FXR1: variants seen among roughly 807,000 people sequenced by gnomAD.
FXR1 encodes the protein RNA-binding protein FXR1.
Under a neutral mutation model 84.0 loss-of-function variants are expected in FXR1, and 15 were observed. The ratio of observed to expected loss-of-function variants is 0.18; its 90% CI spans 0.12 to 0.27. FXR1 has a LOEUF of 0.27. Among genes scored for constraint, FXR1 ranks in the 10% least tolerant of loss-of-function variants. FXR1 has a pLI of 1.00. For synonymous variants in FXR1, 245 were observed against 250.7 expected (o/e 0.98, Z 0.21); for missense variants, 480 against 774.4 (o/e 0.62, Z 4.51).
At chr3:180,938,582 C>T (rs1720784903) in intron 3 of FXR1, among the ~76,000 whole-genome samples, 1 of 151,910 alleles carries the variant, frequency 6.6e-6, no homozygotes, top group South Asian at 2.1e-4. Flanking sequence ...GAGTTTTGCT[C>T]CTGTTGCTCA....
rs1452622684 is a variant in FXR1 at position 180,970,210 on chromosome 3, A to T, written c.1455A>T (p.Ser485=). 1 of 1,608,134 alleles carries T rather than the reference A, an allele frequency of 6.2e-7. No individual in the cohort carries two copies. The highest frequency in any genetic ancestry group is 8.5e-7 in the Non-Finnish European group (1 of 1,174,760). ...ACAGCTTACTTGATAATACAGAATCAGATCAGACTGCAGACACTGATGCCA... is the reference window on the plus strand; with the variant it reads ...ACAGCTTACTTGATAATACAGAATCTGATCAGACTGCAGACACTGATGCCA... ...NPYSLLDNTE[S]DQTADTDASE... The change falls in exon 15 of 17, where the codon TCA becomes TCT. Residue 485 remains serine, a synonymous_variant. Coordinates refer to ENST00000357559, the MANE Select transcript of FXR1 (RefSeq NM_005087.4).
intron 13 of FXR1, 128 bp downstream of exon 13, chr3:180,963,218 C>G: frequency 1.7e-6 from 1 of 590,226 alleles, no homozygotes; most frequent in Non-Finnish European, 3.0e-6. Context: ...GAAGGTAGTT[C>G]TGAAGGTTTA....
intron 2 of FXR1, 57 bp from the exon 3 acceptor site, chr3:180,935,081 C>A (rs1295470422): frequency 5.5e-6 from 4 of 731,944 alleles, no homozygotes; most frequent in Admixed American, 2.4e-5. Context: ...AAATATGCAA[C>A]ACCAGGCGTA....
chr3:180,940,017 C>T (rs1005887437), intron 3 of FXR1, among the ~76,000 whole-genome samples: 21 of 152,236 alleles, frequency 1.4e-4, no homozygotes, highest in African/African-American at 4.8e-4. Context: ...ATATTGGTTG[C>T]TTAAATACAG....
At position 180,948,334 on chromosome 3, in the gene FXR1, T is replaced by C. The variant is rs756624396; in HGVS notation, c.271-13T>C. The C allele has an allele frequency of 1.6e-5, 25 of 1,554,858 alleles. No homozygotes were observed. Among genetic ancestry groups the C allele is most frequent in the Non-Finnish European group, 2.1e-5 (24 of 1,138,252 alleles). ...TTCAGATGGGATTTTTAAAGTATTT[T>C]GATGTCTTTTAGTTTTATGTCATTG... On this transcript the variant is annotated splice_polypyrimidine_tract_variant and intron_variant, in intron 4 of 16. Transcript: ENST00000357559.
rs1714383077 is a variant in FXR1, at chr3:180,977,902, A to G, written c.*1610A>G. On this transcript the variant is annotated 3_prime_UTR_variant, in exon 17 of 17. Transcript: ENST00000357559. ...TCAAATTATTCTGATTAAGGTTAAA[A>G]TGTGCTGGTATTACGTGCTTTTTCC... 2 of 152,036 alleles carry G rather than the reference A, an allele frequency of 1.3e-5. No homozygotes were observed. Among genetic ancestry groups the G allele is most frequent in the African/African-American group, 2.4e-5 (1 of 41,424 alleles). 9.4% of individuals were successfully genotyped at this position (152,036 alleles called of 1,614,324 possible).
chr3:180,940,874 C>T (rs1721053343), intron 3 of FXR1, among the ~76,000 whole-genome samples: 1 of 152,102 alleles, frequency 6.6e-6, no homozygotes, highest in Non-Finnish European at 1.5e-5. Context: ...CCACGCGCAG[C>T]CCTGATAATG....
At chr3:180,931,498 C>T (rs1026333517) in intron 1 of FXR1, among the ~76,000 whole-genome samples, 12 of 152,042 alleles carry the variant, frequency 7.9e-5, no homozygotes, top group African/African-American at 2.9e-4. Context: ...GCATTTCAGG[C>T]GTGAGTCACT....
At chr3:180,968,029 T>G (rs2108490752) in intron 13 of FXR1, 22 bp from the exon 14 acceptor site, 11 of 1,482,306 alleles carry the variant, frequency 7.4e-6, no homozygotes, top group South Asian at 3.4e-5. Flanking sequence ...TCTAAGTGGT[T>G]TATGTTCTTT....
chr3:180,938,206 A>G (rs1019523991), intron 3 of FXR1, among the ~76,000 whole-genome samples: 1 of 152,246 alleles, frequency 6.6e-6, no homozygotes, highest in Non-Finnish European at 1.5e-5. Flanking sequence ...CAAGTCTGGT[A>G]GTATAATTCC....
At chr3:180,916,380 C>G (rs1021443819) in intron 1 of FXR1, among the ~76,000 whole-genome samples, 1 of 152,104 alleles carries the variant, frequency 6.6e-6, no homozygotes, top group Non-Finnish European at 1.5e-5. Flanking sequence ...TGGCCTTGGG[C>G]TGAGTATAAT....
At chr3:180,924,879 A>G (rs138168051) in intron 1 of FXR1, among the ~76,000 whole-genome samples, 1 of 152,246 alleles carries the variant, frequency 6.6e-6, no homozygotes, top group Non-Finnish European at 1.5e-5. Context: ...ATTAATCTGA[A>G]CAATGGTTGT....
At chr3:180,927,063 C>G (rs562943176) in intron 1 of FXR1, among the ~76,000 whole-genome samples, 9 of 152,146 alleles carry the variant, frequency 5.9e-5, no homozygotes, top group Admixed American at 2.0e-4. Context: ...AATTGCCTTA[C>G]CAGTTGTGAG....
In FXR1 at chr3:180,943,262, C is replaced by T. The variant is rs576345456; in HGVS notation, c.199-4603C>T. ...GATTACAGGTGTGAGCCACTGTGCC[C>T]GGCTTTTTTTTTTTTTTTTTTTTTT... On this transcript the variant is annotated intron_variant, in intron 3 of 16. Transcript: ENST00000357559. Among the ~76,000 whole-genome samples the T allele has an allele frequency of 5.5e-5, 7 of 126,552 alleles. No homozygotes were observed. In the South Asian group the frequency reaches 1.4e-3, roughly 24 times the overall value. The allele number at this position is 126,552 out of a possible 152,430, so 83.0% of individuals were successfully genotyped here.
rs1483501014 is a variant in FXR1 at position 180,976,371 on chromosome 3, A to G, written c.*79A>G. The G allele has an allele frequency of 3.1e-6, 3 of 952,554 alleles. No individual in the cohort carries two copies. Among genetic ancestry groups the G allele is most frequent in the Non-Finnish European group, 4.7e-6 (3 of 644,492 alleles). 59.0% of individuals were successfully genotyped at this position (952,554 alleles called of 1,614,324 possible). A position where few individuals can be genotyped will look rare whatever the true frequency, so the allele number is the denominator to read the frequency against. ...TGTACAAGCTTGCCAAAGATAGAAT[A>G]TGGATCGCCAGTCTTTACATCGCAC... On this transcript the variant is annotated 3_prime_UTR_variant, in exon 17 of 17. Coordinates refer to ENST00000357559, the MANE Select transcript of FXR1 (RefSeq NM_005087.4).
chr3:180,932,827 G>A (rs570405772), intron 1 of FXR1, among the ~76,000 whole-genome samples: 1 of 152,224 alleles, frequency 6.6e-6, no homozygotes, highest in East Asian at 1.9e-4. Context: ...TAACAAAATT[G>A]GGTTCTTACT....
intron 9 of FXR1, 101 bp from the exon 10 acceptor site, chr3:180,957,718 G>A (rs538850059): frequency 8.3e-5 from 50 of 603,614 alleles, no homozygotes; most frequent in Non-Finnish European, 6.8e-5. Context: ...TCACTTGATG[G>A]TTGTAATTTA....
At chr3:180,968,386 G>A (rs747537224) in intron 14 of FXR1, 132 bp downstream of exon 14, 28 of 658,318 alleles carry the variant, frequency 4.3e-5, no homozygotes, top group Admixed American at 9.1e-5. Flanking sequence ...GAAAGTAGTG[G>A]ACCATATAGC....
chr3:180,975,321 G>A lies in FXR1; in HGVS notation c.1612G>A (p.Ala538Thr). The change falls in exon 16 of 17, where the codon GCA becomes ACA. Residue 538 changes from alanine (A) to threonine (T), a missense_variant. By Grantham distance (58) the Ala-to-Thr change is moderately conservative. This residue lies in a region of FXR1 where 157 missense variants were observed against 227.8 expected (regional missense o/e 0.69). Coordinates refer to ENST00000357559, the MANE Select transcript of FXR1 (RefSeq NM_005087.4). Reference sequence around the variant, plus strand: ...TTTCTCATCTTTAACAGTCACAGTTGCAGATTATATTTCTAGAGCTGAGTC... The same window carrying A: ...TTTCTCATCTTTAACAGTCACAGTTACAGATTATATTTCTAGAGCTGAGTC... ...SVNENGLVTV[A>T]DYISRAESQS... The A allele has an allele frequency of 7.0e-7, 1 of 1,421,108 alleles. No individual in the cohort carries two copies. Among genetic ancestry groups the A allele is most frequent in the Non-Finnish European group, 9.7e-7 (1 of 1,030,532 alleles). The allele number at this position is 1,421,108 out of a possible 1,614,324, so 88.0% of individuals were successfully genotyped here.
Sources: allele counts gnomAD v4.1 joint callset (sites outside exome capture counted in the v4.1 genomes callset), GRCh38; gene constraint gnomAD v4.1.1; regional missense constraint gnomAD v4.1.1; transcripts MANE v1.5; gene names NCBI Gene and HGNC (gene_info 2026-07-23, HGNC 2026-07-21).